The following BANK1 variants were observed in gnomAD, a reference collection of about 807,000 sequenced individuals.
BANK1 encodes the protein B cell scaffold protein with ankyrin repeats 1.
A neutral mutation model predicts 94.5 loss-of-function variants in BANK1; 95 were observed. The observed-to-expected ratio is 1.00, with a 90% CI of 0.85 to 1.19. BANK1 has a LOEUF of 1.19. Ranked by LOEUF, BANK1 falls within the 50% of genes most tolerant of loss-of-function variation. The probability of loss-of-function intolerance (pLI) is 0.00; values close to 1 mark genes in which losing one functional copy is unlikely to be tolerated. For synonymous variants in BANK1, 334 were observed against 308.4 expected, an observed-to-expected ratio of 1.08 and a Z score of -0.87; for missense variants, 987 against 932.2, an observed-to-expected ratio of 1.06 and a Z score of -0.77.
chr4:101,879,321 CA>C (rs1728594732), intron 5 of BANK1, among the ~76,000 whole-genome samples: 1 of 151,972 alleles, frequency 6.6e-6, no homozygotes, highest in Non-Finnish European at 1.5e-5. Context: ...CTACTGTGAG[CA>C]ACTATATACC....
chr4:101,846,554 A>G (rs1439879425), intron 2 of BANK1, among the ~76,000 whole-genome samples: 2 of 152,226 alleles, frequency 1.3e-5, no homozygotes, highest in Non-Finnish European at 2.9e-5. Flanking sequence ...GGTAATTTAA[A>G]TAACTCACAG....
chr4:101,818,737 T>C (rs994586766), intron 1 of BANK1, among the ~76,000 whole-genome samples: 8 of 152,188 alleles, frequency 5.3e-5, no homozygotes, highest in Admixed American at 5.2e-4. Context: ...GCCTACTTTA[T>C]AAATTAAACT....
intron 6 of BANK1, among the ~76,000 whole-genome samples, chr4:101,906,815 C>T (rs1035311248): frequency 1.3e-5 from 2 of 152,114 alleles, no homozygotes; most frequent in Admixed American, 6.6e-5. Context: ...TGCTCTGAGA[C>T]CCATCAACTT....
chr4:101,921,227 A>C (rs1190720656), intron 7 of BANK1, among the ~76,000 whole-genome samples: 1 of 151,958 alleles, frequency 6.6e-6, no homozygotes, highest in South Asian at 2.1e-4. Flanking sequence ...TCAAATATCT[A>C]CTCATTTTTC....
In BANK1 at chr4:101,839,974, T is replaced by A. The variant is rs1243701815; in HGVS notation, c.469+9768T>A. Among the ~76,000 whole-genome samples, 65 of 58,434 alleles carry A rather than the reference T, an allele frequency of 1.1e-3. 1 individual carries two copies. Among genetic ancestry groups the A allele is most frequent in the African/African-American group, 3.4e-3 (60 of 17,492 alleles). The allele number at this position is 58,434 out of a possible 152,430, so 38.3% of individuals were successfully genotyped here. On this transcript the variant is annotated intron_variant, in intron 2 of 16. Transcript: ENST00000322953. Reference sequence around the variant, plus strand: ...TTTTTTTTTTTTTTTTTTTTTTTTTTTTTTTTTTTTTTGAGACAGAGTCTC... The same window carrying A: ...TTTTTTTTTTTTTTTTTTTTTTTTTATTTTTTTTTTTTGAGACAGAGTCTC...
In BANK1 at chr4:101,929,644, T is replaced by C. The variant is rs151007557; in HGVS notation, c.1206+11455T>C. Among the ~76,000 whole-genome samples, 380 of 151,708 alleles carry C rather than the reference T, an allele frequency of 2.5e-3. 2 individuals are homozygous for C. Among genetic ancestry groups the C allele is most frequent in the Middle Eastern group, 6.8e-3 (2 of 294 alleles). On this transcript the variant is annotated intron_variant, in intron 7 of 16. Coordinates refer to ENST00000322953, the MANE Select transcript of BANK1 (RefSeq NM_017935.5). ...TATCCTTTATTTTTTGTCTGCTTTCTACTTATTAAGTCAATGGAGTTTTTC... is the reference window on the plus strand; with the variant it reads ...TATCCTTTATTTTTTGTCTGCTTTCCACTTATTAAGTCAATGGAGTTTTTC...
intron 6 of BANK1, among the ~76,000 whole-genome samples, chr4:101,904,266 G>A (rs1285516677): frequency 1.3e-5 from 2 of 152,184 alleles, no homozygotes; most frequent in Non-Finnish European, 2.9e-5. Flanking sequence ...GCTCCCATAG[G>A]TTGTATGACT....
At position 101,790,915 on chromosome 4, in the gene BANK1, G is replaced by A; in HGVS notation, c.35G>A (p.Ser12Asn). 1 of 1,536,790 alleles carries A rather than the reference G, an allele frequency of 6.5e-7. No individual in the cohort carries two copies. The highest frequency in any genetic ancestry group is 1.2e-5 in the South Asian group (1 of 83,916). ...GCAGCGCCAGGCAAGGGGCTTGGGA[G>A]CCCGGACCCCGCCCCCTGCGGCCCA... ...LPAAPGKGLG[S>N]PDPAPCGPAP... The change falls in exon 1 of 17, where the codon AGC becomes AAC. Residue 12 changes from serine to asparagine, a missense_variant. Coordinates refer to ENST00000322953, the MANE Select transcript of BANK1 (RefSeq NM_017935.5).
rs752957905 is a variant in BANK1, at chr4:102,063,102, A to G, written c.2176A>G (p.Ile726Val). ...GAAATTACGACAACTACGAGACTGC[A>G]TTATTGGGAAAAGGCCAGAAGAAGA... ...QEKLRQLRDC[I>V]IGKRPEEENV... Residue 726 changes from isoleucine to valine, a missense_variant, in exon 13 of 17, where the codon ATT becomes GTT. Coordinates refer to ENST00000322953, the MANE Select transcript of BANK1 (RefSeq NM_017935.5). 3.1e-6 allele frequency: 5 copies of G among 1,613,708 alleles called. No homozygotes were observed. The South Asian group carries it at 3.3e-5, about 11-fold the overall frequency.
chr4:101,969,879 A>G (rs933934183), intron 7 of BANK1, among the ~76,000 whole-genome samples: 5 of 152,136 alleles, frequency 3.3e-5, no homozygotes, highest in African/African-American at 1.2e-4. Context: ...AATTAATATA[A>G]TCAGAGATCA....
intron 3 of BANK1, among the ~76,000 whole-genome samples, chr4:101,856,916 T>C (rs1727700081): frequency 6.6e-6 from 1 of 152,186 alleles, no homozygotes; most frequent in Non-Finnish European, 1.5e-5. Flanking sequence ...AAGCTAATCA[T>C]TGGACCAAAA....
intron 10 of BANK1, 107 bp downstream of exon 10, chr4:102,030,372 G>T: frequency 8.7e-7 from 1 of 1,155,202 alleles, no homozygotes; most frequent in Non-Finnish European, 1.2e-6. Context: ...ACTCCAAAGA[G>T]TAAACATTTT....
Position 101,953,554 on chromosome 4 carries a change from A to G in BANK1, c.1206+35365A>G, listed in dbSNP as rs565104175. Among the ~76,000 whole-genome samples, 657 of 152,144 alleles carry G rather than the reference A, an allele frequency of 4.3e-3. 2 individuals carry two copies. The highest frequency in any genetic ancestry group is 0.015 in the African/African-American group (618 of 41,528). On this transcript the variant is annotated intron_variant, in intron 7 of 16. Coordinates refer to ENST00000322953, the MANE Select transcript of BANK1 (RefSeq NM_017935.5). ...GGATCTATTTAGTAAAAAAAAAAAA[A>G]TCAAGTGTTTCAAAGTAGGGTGCAC...
At chr4:101,931,139 GA>G (rs2148905382) in intron 7 of BANK1, among the ~76,000 whole-genome samples, 1 of 151,602 alleles carries the variant, frequency 6.6e-6, no homozygotes, top group South Asian at 2.1e-4. Context: ...CAGTTTTATT[GA>G]CTCTCAAGAG....
intron 13 of BANK1, among the ~76,000 whole-genome samples, chr4:102,063,811 T>C (rs1210670032): frequency 2.8e-5 from 4 of 143,648 alleles, no homozygotes; most frequent in Non-Finnish European, 1.5e-5. Flanking sequence ...AGAGCAAGAC[T>C]CTATCTCAAA....
chr4:102,049,395 G>A (rs533019989), intron 11 of BANK1, among the ~76,000 whole-genome samples: 1 of 152,206 alleles, frequency 6.6e-6, no homozygotes, highest in African/African-American at 2.4e-5. Flanking sequence ...GTACAGAAGG[G>A]CCTTTTCTAT....
At chr4:102,028,402 A>G (rs1012472737) in intron 9 of BANK1, among the ~76,000 whole-genome samples, 5 of 152,240 alleles carry the variant, frequency 3.3e-5, no homozygotes, top group African/African-American at 1.2e-4. Context: ...CTTAAGTTAA[A>G]CTAAATGAAA....
chr4:101,792,255 T>TCCCCCCCCCCCCCCCCCC (rs771698917), intron 1 of BANK1, among the ~76,000 whole-genome samples: 2 of 128,662 alleles, frequency 1.6e-5, no homozygotes, highest in Admixed American at 8.1e-5. Context: ...TGCATTCCGC[T>TCCCCCCCCCCCCCCCCCC]CCCCCCCCGC....
At chr4:101,944,958 A>T (rs1454502677) in intron 7 of BANK1, among the ~76,000 whole-genome samples, 2 of 151,960 alleles carry the variant, frequency 1.3e-5, no homozygotes, top group Non-Finnish European at 2.9e-5. Context: ...AAGCATTTCA[A>T]ATGAATAGCA....
Sources: allele counts gnomAD v4.1 joint callset (sites outside exome capture counted in the v4.1 genomes callset), GRCh38; gene constraint gnomAD v4.1.1; transcripts MANE v1.5; gene names NCBI Gene and HGNC (gene_info 2026-07-23, HGNC 2026-07-21).